Variants in ATP5MC3 observed in about 807,000 individuals in gnomAD.
ATP5MC3 encodes the protein ATP synthase F(0) complex subunit C3, mitochondrial.
ATP5MC3 carries 6 observed loss-of-function variants against 15.6 expected under a neutral mutation model. That is an observed-to-expected ratio of 0.38 (90% CI 0.21 to 0.76). The LOEUF is 0.76. Among genes scored for constraint, ATP5MC3 ranks in the 30% least tolerant of loss-of-function variants. The pLI is 0.44. For missense variants in ATP5MC3, 132 were observed against 171.2 expected, an observed-to-expected ratio of 0.77 and a Z score of 1.28; for synonymous variants, 66 against 63.3, an observed-to-expected ratio of 1.04 and a Z score of -0.20.
intron 3 of ATP5MC3, 29 bp from the exon 4 acceptor site, chr2:175,179,279 CG>C (rs1424299113): frequency 6.4e-7 from 1 of 1,572,206 alleles, no homozygotes; most frequent in Non-Finnish European, 8.7e-7. Context: ...AGGTAAAGGT[CG>C]TATCAGTAAC....
At chr2:175,180,407 C>T (rs983087440) in intron 2 of ATP5MC3, among the ~76,000 whole-genome samples, 5 of 152,146 alleles carry the variant, frequency 3.3e-5, no homozygotes, top group Non-Finnish European at 1.5e-5. Flanking sequence ...TTTCTAATAA[C>T]AGTTACAAAG....
At position 175,178,138 on chromosome 2, in the gene ATP5MC3, A is replaced by T. The variant is rs1700715343; in HGVS notation, c.*150T>A. The T allele has an allele frequency of 5.8e-6, 8 of 1,373,702 alleles. No homozygotes were observed. The highest frequency in any genetic ancestry group is 7.6e-6 in the Non-Finnish European group (8 of 1,053,308). 85.1% of individuals were successfully genotyped at this position (1,373,702 alleles called of 1,614,324 possible). ...AACTTAGTGTAAGTACAAATCACAG[A>T]AGAAATTAAAGTTTTCATCTTTAAT... On this transcript the variant is annotated 3_prime_UTR_variant, in exon 5 of 5. Transcript: ENST00000284727.
Position 175,178,157 on chromosome 2 carries a change from C to T in ATP5MC3, c.*131G>A, listed in dbSNP as rs1262143242. ...TCACAGAAGAAATTAAAGTTTTCAT[C>T]TTTAATGAAATGACTTTGGAAATAA... On this transcript the variant is annotated 3_prime_UTR_variant, in exon 5 of 5. Coordinates refer to ENST00000284727, the MANE Select transcript of ATP5MC3 (RefSeq NM_001689.5). 2 of 1,427,992 alleles carry T rather than the reference C, an allele frequency of 1.4e-6. No individual in the cohort carries two copies. Among genetic ancestry groups the T allele is most frequent in the Non-Finnish European group, 1.8e-6 (2 of 1,088,262 alleles). The allele number at this position is 1,427,992 out of a possible 1,614,324, so 88.5% of individuals were successfully genotyped here.
intron 3 of ATP5MC3, 47 bp from the exon 4 acceptor site, chr2:175,179,297 T>G (rs1462449465): frequency 1.3e-6 from 2 of 1,539,534 alleles, no homozygotes; most frequent in Non-Finnish European, 1.8e-6. Context: ...TAACCACAGG[T>G]AGCTATTTTA....
chr2:175,180,223 A>C (rs759712161), intron 2 of ATP5MC3, 45 bp from the exon 3 acceptor site: 1 of 1,446,018 alleles, frequency 6.9e-7, no homozygotes, highest in Non-Finnish European at 9.3e-7. Flanking sequence ...AAGAAAGAAT[A>C]CAGGTAAGAC....
chr2:175,181,403 T>C lies in ATP5MC3; in HGVS notation c.-10A>G, dbSNP rs551029493. ...TGGCGCAGGCGAACATCTTACACTC[T>C]TCGGGACTGCGCGGCTGGAGATATT... On this transcript the variant is annotated 5_prime_UTR_variant, in exon 2 of 5. Transcript: ENST00000284727. 39 of 1,613,598 alleles carry C rather than the reference T, an allele frequency of 2.4e-5. No individual in the cohort carries two copies. The highest frequency in any genetic ancestry group is 3.1e-5 in the Non-Finnish European group (36 of 1,179,796).
At chr2:175,181,066 G>A (rs1379858263) in intron 2 of ATP5MC3, among the ~76,000 whole-genome samples, 1 of 152,236 alleles carries the variant, frequency 6.6e-6, no homozygotes, top group Non-Finnish European at 1.5e-5. Context: ...GAGAGGCTGA[G>A]AGAAGGTGGG....
In ATP5MC3 at chr2:175,178,359, C is replaced by G; in HGVS notation, c.358G>C (p.Gly120Arg). The G allele has an allele frequency of 6.2e-7, 1 of 1,612,764 alleles. No homozygotes were observed. Among genetic ancestry groups the G allele is most frequent in the Non-Finnish European group, 8.5e-7 (1 of 1,179,574 alleles). ...CCCATAGCTTCAGACAAGGCAAATC[C>G]CAGGATAGCATATGAGAACAGCTGC... ...KQQLFSYAIL[G>R]FALSEAMGLF... The change falls in exon 5 of 5, where the codon GGA becomes CGA. Residue 120 changes from glycine (G) to arginine (R), a missense_variant. By Grantham distance (125) the Gly-to-Arg change is moderately radical. This residue lies in a region of ATP5MC3 where 42 missense variants were observed against 85.0 expected (regional missense o/e 0.49). Transcript: ENST00000284727.
intron 2 of ATP5MC3, 95 bp downstream of exon 2, chr2:175,181,260 G>A: frequency 1.4e-6 from 2 of 1,445,618 alleles, no homozygotes; most frequent in Admixed American, 2.2e-5. Context: ...AGAGGGCGGT[G>A]TGCCCCGCCC....
intron 4 of ATP5MC3, 173 bp from the exon 5 acceptor site, chr2:175,178,575 G>A (rs1287002363): frequency 2.2e-6 from 3 of 1,346,156 alleles, no homozygotes; most frequent in East Asian, 2.9e-5. Flanking sequence ...ATAATATGGT[G>A]TAAAGGTAGG....
chr2:175,179,210 T>C lies in ATP5MC3; in HGVS notation c.161A>G (p.Gln54Arg), dbSNP rs775248526. 1.2e-6 allele frequency: 2 copies of C among 1,614,092 alleles called. No individual in the cohort carries two copies. Among genetic ancestry groups the C allele is most frequent in the East Asian group, 2.2e-5 (1 of 44,890 alleles). Residue 54 changes from glutamine (Q) to arginine (R), a missense_variant, in exon 4 of 5, where the codon CAG becomes CGG. Transcript: ENST00000284727. ...GGTCTGAAACTCCCTTTGGATTAGC[T>C]GAGACACACCATTCTGGGCCCCATT... ...VFNGAQNGVS[Q>R]LIQREFQTSA...
In ATP5MC3 at chr2:175,178,171, C is replaced by A; in HGVS notation, c.*117G>T. ...AAAGTTTTCATCTTTAATGAAATGA[C>A]TTTGGAAATAACGTACATTCCCATG... On this transcript the variant is annotated 3_prime_UTR_variant, in exon 5 of 5. Transcript: ENST00000284727. The A allele has an allele frequency of 6.9e-7, 1 of 1,454,604 alleles. No homozygotes were observed. Among genetic ancestry groups the A allele is most frequent in the Non-Finnish European group, 9.1e-7 (1 of 1,103,294 alleles). 90.1% of individuals were successfully genotyped at this position (1,454,604 alleles called of 1,614,324 possible).
Position 175,176,853 on chromosome 2 carries a change from T to C in ATP5MC3, c.*1435A>G, listed in dbSNP as rs887153880. 2 of 152,230 alleles carry C rather than the reference T, an allele frequency of 1.3e-5. No homozygotes were observed. Among genetic ancestry groups the C allele is most frequent in the Non-Finnish European group, 2.9e-5 (2 of 68,032 alleles). 9.4% of individuals were successfully genotyped at this position (152,230 alleles called of 1,614,324 possible). A position where few individuals can be genotyped will look rare whatever the true frequency, so the allele number is the denominator to read the frequency against. ...GGCTGAATATTCCATTATATGGATG[T>C]ATTTTACTTATCCATTCATCAGCTG... On this transcript the variant is annotated 3_prime_UTR_variant, in exon 5 of 5. Coordinates refer to ENST00000284727, the MANE Select transcript of ATP5MC3 (RefSeq NM_001689.5).
intron 1 of ATP5MC3, 55 bp from the exon 2 acceptor site, chr2:175,181,521 A>T: frequency 8.3e-7 from 1 of 1,206,518 alleles, no homozygotes; most frequent in Non-Finnish European, 1.2e-6. Context: ...TGTTCTTCCC[A>T]CCCAGGCCCC....
chr2:175,179,184 T>C lies in ATP5MC3; in HGVS notation c.187A>G (p.Ser63Gly). ...GTATCAATGTCTCTGCTGATTGCACTGGTCTGAAACTCCCTTTGGATTAGC... is the reference window on the plus strand; with the variant it reads ...GTATCAATGTCTCTGCTGATTGCACCGGTCTGAAACTCCCTTTGGATTAGC... ...SQLIQREFQT[S>G]AISRDIDTAA... The change falls in exon 4 of 5, where the codon AGT becomes GGT. Residue 63 changes from serine to glycine, a missense_variant. This residue lies in a region of ATP5MC3 where 90 missense variants were observed against 86.2 expected (regional missense o/e 1.04). Transcript: ENST00000284727. The C allele has an allele frequency of 6.2e-7, 1 of 1,614,222 alleles. No homozygotes were observed. Among genetic ancestry groups the C allele is most frequent in the East Asian group, 2.2e-5 (1 of 44,884 alleles).
In ATP5MC3 at chr2:175,178,206, C is replaced by T. The variant is rs532045372; in HGVS notation, c.*82G>A. 326 of 1,530,662 alleles carry T rather than the reference C, an allele frequency of 2.1e-4. No homozygotes were observed. Among genetic ancestry groups the T allele is most frequent in the Non-Finnish European group, 2.3e-4 (263 of 1,145,190 alleles). The allele number at this position is 1,530,662 out of a possible 1,614,324, so 94.8% of individuals were successfully genotyped here. A position where few individuals can be genotyped will look rare whatever the true frequency, so the allele number is the denominator to read the frequency against. Reference sequence around the variant, plus strand: ...AACGTACATTCCCATGACACCAATACTACAGTTTTCGGAGTCACAGTAAGA... The same window carrying T: ...AACGTACATTCCCATGACACCAATATTACAGTTTTCGGAGTCACAGTAAGA... On this transcript the variant is annotated 3_prime_UTR_variant, in exon 5 of 5. Transcript: ENST00000284727.
At chr2:175,178,428 A>T in intron 4 of ATP5MC3, 26 bp from the exon 5 acceptor site, 1 of 1,569,354 alleles carries the variant, frequency 6.4e-7, no homozygotes, top group Non-Finnish European at 8.6e-7. Context: ...TATGACTGTT[A>T]CTTTGAAATA....
At chr2:175,180,238 A>T in intron 2 of ATP5MC3, 60 bp from the exon 3 acceptor site, 1 of 1,312,578 alleles carries the variant, frequency 7.6e-7, no homozygotes, top group Non-Finnish European at 1.0e-6. Context: ...TAAGACTTCA[A>T]TGACTTTTCT....
chr2:175,178,391 A>G lies in ATP5MC3; in HGVS notation c.326T>C (p.Leu109Pro). 1.9e-6 allele frequency: 3 copies of G among 1,606,558 alleles called. No individual in the cohort carries two copies. The highest frequency in any genetic ancestry group is 2.5e-6 in the Non-Finnish European group (3 of 1,177,802). The change falls in exon 5 of 5, where the codon CTG becomes CCG. Residue 109 changes from leucine (L) to proline (P), a missense_variant. By Grantham distance (98) the Leu-to-Pro change is moderately conservative (BLOSUM62 -3). Around this residue, in one of 2 missense-constraint regions of ATP5MC3, gnomAD observed 42 missense variants for 85.0 expected, o/e 0.49. Coordinates refer to ENST00000284727, the MANE Select transcript of ATP5MC3 (RefSeq NM_001689.5). ...LIIGYARNPS[L>P]KQQLFSYAIL... ...AGCATATGAGAACAGCTGCTGCTTC[A>G]GCGAAGGGTTTCTAAAAGAGACCAC...
Sources: allele counts gnomAD v4.1 joint callset (sites outside exome capture counted in the v4.1 genomes callset), GRCh38; gene constraint gnomAD v4.1.1; regional missense constraint gnomAD v4.1.1; transcripts MANE v1.5; gene names NCBI Gene and HGNC (gene_info 2026-07-23, HGNC 2026-07-21).